The following TMSB15B variants were observed in gnomAD, a reference collection of about 807,000 sequenced individuals.
TMSB15B encodes thymosin beta-15B.
At chrX:103,935,107 TTG>T (rs782491864) in intron 1 of TMSB15B, among the ~76,000 whole-genome samples, 19 of 112,618 alleles carry the variant, frequency 1.7e-4, no homozygotes, top group Non-Finnish European at 3.4e-4. Flanking sequence ...ATGAGCTTTT[TTG>T]TGTGTGTGTT....
At chrX:103,948,762 T>C (rs1329550911) in intron 1 of TMSB15B, among the ~76,000 whole-genome samples, 3 of 112,559 alleles carry the variant, frequency 2.7e-5, no homozygotes, top group South Asian at 7.4e-4. Context: ...AAATGATTCA[T>C]TTAACAAATC....
At chrX:103,952,102 G>T (rs1953216504) in intron 1 of TMSB15B, among the ~76,000 whole-genome samples, 1 of 111,440 alleles carries the variant, frequency 9.0e-6, no homozygotes, top group African/African-American at 3.3e-5. Context: ...TGGGGGTTTT[G>T]CTAGGTTGCC....
At chrX:103,920,644 T>C (rs139843688) in intron 1 of TMSB15B, among the ~76,000 whole-genome samples, 1,693 of 112,610 alleles carry the variant, frequency 0.015, 49 homozygotes, top group East Asian at 0.11. Context: ...TCTGTCATAA[T>C]GTCTTCCTTC....
intron 1 of TMSB15B, among the ~76,000 whole-genome samples, chrX:103,934,209 T>A (rs2074991603): frequency 9.0e-6 from 1 of 111,533 alleles, no homozygotes; most frequent in South Asian, 3.8e-4. Context: ...TCAACTTTTT[T>A]AGCTCTCCCA....
At chrX:103,919,897 G>A (rs1208735893) in intron 1 of TMSB15B, among the ~76,000 whole-genome samples, 1 of 111,353 alleles carries the variant, frequency 9.0e-6, no homozygotes, top group Non-Finnish European at 1.9e-5. Context: ...TGTCTGAAGA[G>A]CACTTTTGCA....
At chrX:103,946,363 G>C (rs150262014) in intron 1 of TMSB15B, among the ~76,000 whole-genome samples, 193 of 112,192 alleles carry the variant, frequency 1.7e-3, no homozygotes, top group African/African-American at 5.9e-3. Context: ...GAATGGCCAA[G>C]GTGAAGAGTC....
chrX:103,923,775 T>C (rs2074960701), intron 1 of TMSB15B, among the ~76,000 whole-genome samples: 2 of 111,499 alleles, frequency 1.8e-5, no homozygotes, highest in South Asian at 3.8e-4. Flanking sequence ...TGGCATTGAA[T>C]CTATAAATTA....
chrX:103,928,594 T>C, intron 1 of TMSB15B: 1 of 1,168,655 alleles, frequency 8.6e-7, no homozygotes, highest in Non-Finnish European at 1.2e-6. Context: ...TTATGGGCTT[T>C]GGGGGCGGCT....
intron 1 of TMSB15B, among the ~76,000 whole-genome samples, chrX:103,950,613 A>AAT (rs781860787): frequency 0.018 from 1,952 of 106,333 alleles, 17 homozygotes; most frequent in African/African-American, 0.033. Flanking sequence ...CCAAGAGAAA[A>AAT]ATATATATAT....
chrX:103,941,273 A>G (rs1163632777), intron 1 of TMSB15B, among the ~76,000 whole-genome samples: 1 of 112,433 alleles, frequency 8.9e-6, no homozygotes, highest in Non-Finnish European at 1.9e-5. Flanking sequence ...GGTTGATTCC[A>G]TAACTTGGAT....
At chrX:103,926,743 T>C (rs1446757233) in intron 1 of TMSB15B, among the ~76,000 whole-genome samples, 2 of 110,383 alleles carry the variant, frequency 1.8e-5, no homozygotes, top group Non-Finnish European at 3.8e-5. Context: ...GCTAGCTTAA[T>C]TAGAGTCCCA....
intron 1 of TMSB15B, among the ~76,000 whole-genome samples, chrX:103,944,967 G>A (rs1450553010): frequency 9.0e-6 from 1 of 111,349 alleles, no homozygotes; most frequent in Non-Finnish European, 1.9e-5. Context: ...TAGTAAAAAC[G>A]AGGTTTCACC....
In TMSB15B at chrX:103,933,086, C is replaced by T. The variant is rs1355415064; in HGVS notation, c.-721+13794C>T. ...GTTTATTTAGACAATTTTGCTTTTA[C>T]AACTTATTTTTAAACATTAAATAGC... is the stretch of plus-strand genomic sequence containing the variant. On this transcript the variant is annotated intron_variant, in intron 1 of 3. Transcript: ENST00000419165. Among the ~76,000 whole-genome samples the T allele has an allele frequency of 2.2e-4, 24 of 111,623 alleles. No homozygotes were observed. The Admixed American group carries it at 2.2e-3, about 10-fold the overall frequency.
chrX:103,943,458 G>A (rs1314785158), intron 1 of TMSB15B, among the ~76,000 whole-genome samples: 1 of 112,140 alleles, frequency 8.9e-6, no homozygotes, highest in African/African-American at 3.2e-5. Flanking sequence ...ATGAAAAAAT[G>A]ACAGACTTCT....
chrX:103,941,831 G>A (rs1217665886), intron 1 of TMSB15B, among the ~76,000 whole-genome samples: 12 of 111,878 alleles, frequency 1.1e-4, no homozygotes, highest in Admixed American at 3.8e-4. Context: ...TATCTAATGG[G>A]TGTAAATGGC....
chrX:103,928,265 A>G, intron 1 of TMSB15B: 1 of 1,206,720 alleles, frequency 8.3e-7, no homozygotes, highest in Non-Finnish European at 1.1e-6. Flanking sequence ...TCGGCAACAG[A>G]TCCATGCCAT....
intron 1 of TMSB15B, among the ~76,000 whole-genome samples, chrX:103,952,245 C>T (rs2075040891): frequency 9.0e-6 from 1 of 111,254 alleles, no homozygotes; most frequent in South Asian, 3.9e-4. Flanking sequence ...AGGACAACTA[C>T]CATTGAGAAT....
At chrX:103,941,837 A>G (rs782784250) in intron 1 of TMSB15B, among the ~76,000 whole-genome samples, 1 of 111,996 alleles carries the variant, frequency 8.9e-6, no homozygotes, top group African/African-American at 3.2e-5. Context: ...ATGGGTGTAA[A>G]TGGCATCTTA....
At chrX:103,920,176 G>C (rs2074947985) in intron 1 of TMSB15B, among the ~76,000 whole-genome samples, 1 of 112,104 alleles carries the variant, frequency 8.9e-6, no homozygotes, top group South Asian at 3.8e-4. Flanking sequence ...GGCTCAGAGA[G>C]GTAAAATGAT....
Sources: gnomAD v4.1 joint callset for allele counts (sites outside exome capture counted in the v4.1 genomes callset) on GRCh38, gnomAD v4.1.1 for gene constraint, MANE v1.5 for transcripts, NCBI Gene and HGNC (gene_info 2026-07-23, HGNC 2026-07-21) for gene names.